Variants in OSBPL9 observed in about 807,000 individuals in gnomAD.
The protein encoded by OSBPL9 is oxysterol binding protein like 9.
A neutral mutation model predicts 106.6 loss-of-function variants in OSBPL9; 40 were observed. The observed-to-expected ratio is 0.38, with a 90% CI of 0.29 to 0.49. The LOEUF is 0.49. Among genes scored for constraint, OSBPL9 ranks in the 20% least tolerant of loss-of-function variants. The probability of loss-of-function intolerance (pLI) is 0.97; values close to 1 mark genes in which losing one functional copy is unlikely to be tolerated. For synonymous variants in OSBPL9, 269 were observed against 295.4 expected, an observed-to-expected ratio of 0.91 and a Z score of 0.92; for missense variants, 609 against 887.2, an observed-to-expected ratio of 0.69 and a Z score of 3.98.
chr1:51,623,259 A>G (rs931637536), intron 1 of OSBPL9, among the ~76,000 whole-genome samples: 4 of 152,158 alleles, frequency 2.6e-5, no homozygotes, highest in Non-Finnish European at 5.9e-5. Flanking sequence ...TAGAAAGGGC[A>G]AAGAGGACAT....
In OSBPL9 at chr1:51,675,380, T is replaced by A. The variant is rs140134884; in HGVS notation, c.241+5868T>A. Among the ~76,000 whole-genome samples, 486 of 151,688 alleles carry A rather than the reference T, an allele frequency of 3.2e-3. 7 individuals are homozygous for A. Among genetic ancestry groups the A allele is most frequent in the African/African-American group, 9.8e-3 (405 of 41,296 alleles). On this transcript the variant is annotated intron_variant, in intron 3 of 23. Transcript: ENST00000428468. ...TAATTAATTAATTAATTTATTTATTTATTTATTTTTTGTGAATGGGGTTGA... is the reference window on the plus strand; with the variant it reads ...TAATTAATTAATTAATTTATTTATTAATTTATTTTTTGTGAATGGGGTTGA...
intron 4 of OSBPL9, chr1:51,740,355 G>T: frequency 1.9e-6 from 2 of 1,058,416 alleles, no homozygotes; most frequent in Non-Finnish European, 1.3e-6. Flanking sequence ...TTCCTGCTAA[G>T]TTTTCATTAG....
chr1:51,672,766 G>A lies in OSBPL9; in HGVS notation c.241+3254G>A, dbSNP rs556341225. Among the ~76,000 whole-genome samples, 4 of 152,332 alleles carry A rather than the reference G, an allele frequency of 2.6e-5. No individual in the cohort carries two copies. In the East Asian group the frequency reaches 7.7e-4, roughly 29 times the overall value. ...TATGACAGAAAGACAAGTCTAGGTT[G>A]AGTAACAAGAATGGAGTTGCCATTA... On this transcript the variant is annotated intron_variant, in intron 3 of 23. Transcript: ENST00000428468.
chr1:51,745,645 T>C lies in OSBPL9; in HGVS notation c.414+14T>C. ...GAACAATTAAAGGTATGGCATTAGT[T>C]TGTATATTAAATTTATATAAATAGA... On this transcript the variant is annotated intron_variant, in intron 5 of 23. Transcript: ENST00000428468. 6.6e-7 allele frequency: 1 copy of C among 1,517,308 alleles called. No individual in the cohort carries two copies. The highest frequency in any genetic ancestry group is 8.8e-7 in the Non-Finnish European group (1 of 1,138,844). The allele number at this position is 1,517,308 out of a possible 1,614,324, so 94.0% of individuals were successfully genotyped here.
chr1:51,692,668 CTTTTTTT>C (rs76854917), intron 3 of OSBPL9, among the ~76,000 whole-genome samples: 1 of 82,602 alleles, frequency 1.2e-5, no homozygotes, highest in African/African-American at 4.4e-5. Flanking sequence ...TTTCTTTCTT[CTTTTTTT>C]TTTTTTTTCC....
chr1:51,647,372 G>C (rs1404579581), intron 1 of OSBPL9, among the ~76,000 whole-genome samples: 1 of 152,010 alleles, frequency 6.6e-6, no homozygotes, highest in Non-Finnish European at 1.5e-5. Flanking sequence ...AACAGATACT[G>C]TTTTTTACGT....
chr1:51,787,209 C>G (rs991131463), intron 22 of OSBPL9, 144 bp from the exon 23 acceptor site: 2 of 758,828 alleles, frequency 2.6e-6, no homozygotes, highest in Non-Finnish European at 4.4e-6. Context: ...CTGTTCCTTA[C>G]TCCAGTGCCC....
chr1:51,784,685 T>A, intron 20 of OSBPL9, 103 bp downstream of exon 20: 1 of 1,335,370 alleles, frequency 7.5e-7, no homozygotes, highest in South Asian at 1.4e-5. Context: ...AATGGTTCTG[T>A]CTTTGTAAGC....
intron 3 of OSBPL9, among the ~76,000 whole-genome samples, chr1:51,691,663 A>G (rs1654995891): frequency 6.6e-6 from 1 of 152,078 alleles, no homozygotes; most frequent in African/African-American, 2.4e-5. Context: ...AATAATACTT[A>G]GCTTAAAACA....
At chr1:51,611,610 C>T (rs991968174) in intron 2 of OSBPL9, among the ~76,000 whole-genome samples, 2 of 152,166 alleles carry the variant, frequency 1.3e-5, no homozygotes, top group African/African-American at 2.4e-5. Context: ...AATTAATGGT[C>T]TAAACAGCTG....
chr1:51,567,515 G>T, the OSBPL9 span: 1 of 152,162 alleles, frequency 6.6e-6, no homozygotes, highest in African/African-American at 2.4e-5. Context: ...CTAGCAGTGG[G>T]GAACTGGGCT....
At chr1:51,543,191 A>G in the OSBPL9 span, among the ~76,000 whole-genome samples, 1 of 152,218 alleles carries the variant, frequency 6.6e-6, no homozygotes, top group Non-Finnish European at 1.5e-5. Context: ...GATGAGAAAG[A>G]ACGTGCACTT....
chr1:51,665,917 C>T (rs1242061209), intron 2 of OSBPL9, among the ~76,000 whole-genome samples: 2 of 151,926 alleles, frequency 1.3e-5, no homozygotes, highest in Middle Eastern at 3.2e-3. Context: ...TGCAGTGGTG[C>T]GATCTTGGCT....
intron 3 of OSBPL9, among the ~76,000 whole-genome samples, chr1:51,693,930 C>T (rs1453323704): frequency 6.6e-6 from 1 of 152,158 alleles, no homozygotes; most frequent in Non-Finnish European, 1.5e-5. Context: ...CTAAAATGTG[C>T]AAGGCATTTT....
intron 12 of OSBPL9, among the ~76,000 whole-genome samples, chr1:51,770,829 G>A (rs947622367): frequency 6.6e-6 from 1 of 152,032 alleles, no homozygotes; most frequent in African/African-American, 2.4e-5. Flanking sequence ...TCTAATACAG[G>A]CAGAGCCCAG....
intron 4 of OSBPL9, among the ~76,000 whole-genome samples, chr1:51,719,869 G>A (rs549337188): frequency 6.6e-6 from 1 of 152,266 alleles, no homozygotes; most frequent in African/African-American, 2.4e-5. Flanking sequence ...GAATGATATT[G>A]CCTTGCTAAA....
chr1:51,752,477 A>G (rs1669466473), intron 8 of OSBPL9: 1 of 453,950 alleles, frequency 2.2e-6, no homozygotes. Flanking sequence ...TTGTTTGTTT[A>G]TCTCTTTATT....
At chr1:51,761,792 T>C in intron 10 of OSBPL9, 75 bp from the exon 11 acceptor site, 1 of 1,156,042 alleles carries the variant, frequency 8.7e-7, no homozygotes, top group African/African-American at 1.5e-5. Flanking sequence ...GGATTTTGAA[T>C]CCCAGACAAT....
At chr1:51,661,322 G>C (rs1348642808) in intron 2 of OSBPL9, among the ~76,000 whole-genome samples, 1 of 152,034 alleles carries the variant, frequency 6.6e-6, no homozygotes, top group Non-Finnish European at 1.5e-5. Flanking sequence ...CCAGAATTTT[G>C]TTTCTCTTTT....
Sources: allele counts gnomAD v4.1 joint callset (sites outside exome capture counted in the v4.1 genomes callset), GRCh38; gene constraint gnomAD v4.1.1; transcripts MANE v1.5; gene names NCBI Gene and HGNC (gene_info 2026-07-23, HGNC 2026-07-21).